The following CRB1 variants were observed in gnomAD, a reference collection of about 807,000 sequenced individuals.
The protein encoded by CRB1 is crumbs cell polarity complex component 1.
CRB1 carries 83 observed loss-of-function variants against 120.0 expected under a neutral mutation model. That is an observed-to-expected ratio of 0.69 (90% CI 0.58 to 0.83). The LOEUF (loss-of-function observed/expected upper bound fraction) is 0.83. CRB1 is among the 40% of genes least tolerant of loss of function. The pLI is 0.00. For missense variants in CRB1, 1,699 were observed against 1,687.6 expected (o/e 1.01, Z -0.12); for synonymous variants, 625 against 612.5 (o/e 1.02, Z -0.30).
At chr1:197,456,293 G>A (rs1283324010) in intron 11 of CRB1, among the ~76,000 whole-genome samples, 2 of 152,038 alleles carry the variant, frequency 1.3e-5, no homozygotes, top group Admixed American at 6.6e-5. Context: ...ATCATCCTGA[G>A]TAAGTATATA....
chr1:197,402,647 T>C (rs1468249152), intron 5 of CRB1, among the ~76,000 whole-genome samples: 1 of 152,218 alleles, frequency 6.6e-6, no homozygotes, highest in Non-Finnish European at 1.5e-5. Context: ...AAGGTCTAAT[T>C]TCTGTTCTCT....
chr1:197,258,215 C>A, the CRB1 span, among the ~76,000 whole-genome samples: 1 of 152,074 alleles, frequency 6.6e-6, no homozygotes, highest in Non-Finnish European at 1.5e-5. Context: ...TTTTTCTCAC[C>A]TACTCCTCAG....
At position 197,442,272 on chromosome 1, in the gene CRB1, G is replaced by T; in HGVS notation, c.3985G>T (p.Gly1329Cys). 1 of 1,614,182 alleles carries T rather than the reference G, an allele frequency of 6.2e-7. No individual in the cohort carries two copies. Among genetic ancestry groups the T allele is most frequent in the Non-Finnish European group, 8.5e-7 (1 of 1,180,036 alleles). The change falls in exon 11 of 12, where the codon GGC (glycine) becomes TGC (cysteine). Residue 1329 changes from glycine (G) to cysteine (C), a missense_variant. Gly to Cys is a radical substitution (Grantham distance 159). Coordinates refer to ENST00000367400, the MANE Select transcript of CRB1 (RefSeq NM_201253.3). ...FQCLCDVAFA[G>C]ERCEVDLADD... The stretch of plus-strand genomic sequence containing the variant: ...GTGCCTCTGTGATGTTGCCTTTGCT[G>T]GCGAGCGCTGCGAGGTGGACGTAAG...
chr1:197,267,255 GA>G (rs1056411341), upstream of CRB1, among the ~76,000 whole-genome samples: 3 of 151,776 alleles, frequency 2.0e-5, no homozygotes, highest in African/African-American at 4.8e-5. Flanking sequence ...ATGAGGGGAG[GA>G]AAAAATCTTT....
the CRB1 span, among the ~76,000 whole-genome samples, chr1:197,225,022 C>T: frequency 6.6e-6 from 1 of 152,012 alleles, no homozygotes; most frequent in Non-Finnish European, 1.5e-5. Flanking sequence ...AGGTGTTAGG[C>T]ACAGTTCTAT....
chr1:197,474,959 T>C (rs1046794086), intron 11 of CRB1, among the ~76,000 whole-genome samples: 1 of 152,184 alleles, frequency 6.6e-6, no homozygotes, highest in Admixed American at 6.5e-5. Context: ...TGTTCCTCTT[T>C]CCCAGGCCAG....
At chr1:197,320,546 A>C (rs531175850) in intron 1 of CRB1, among the ~76,000 whole-genome samples, 2 of 152,320 alleles carry the variant, frequency 1.3e-5, no homozygotes, top group East Asian at 3.9e-4. Flanking sequence ...ATCAAGGGGA[A>C]TTTATGACAG....
intron 4 of CRB1, among the ~76,000 whole-genome samples, chr1:197,354,001 A>T (rs996321974): frequency 6.7e-6 from 1 of 150,168 alleles, no homozygotes; most frequent in African/African-American, 2.4e-5. Context: ...TGAAAAAAAC[A>T]GGAAAAAATA....
At chr1:197,397,302 T>A (rs1176765232) in intron 5 of CRB1, among the ~76,000 whole-genome samples, 1 of 152,118 alleles carries the variant, frequency 6.6e-6, no homozygotes, top group African/African-American at 2.4e-5. Context: ...GAGTAGGTTA[T>A]ATGTAATAAT....
At chr1:197,345,413 T>C (rs1272101374) in intron 3 of CRB1, among the ~76,000 whole-genome samples, 1 of 152,006 alleles carries the variant, frequency 6.6e-6, no homozygotes, top group Non-Finnish European at 1.5e-5. Context: ...TAAGACATAA[T>C]TTATGCCAAA....
chr1:197,371,139 T>G (rs1661349916), intron 5 of CRB1, among the ~76,000 whole-genome samples: 1 of 152,182 alleles, frequency 6.6e-6, no homozygotes, highest in Admixed American at 6.5e-5. Flanking sequence ...TTACCTTCTG[T>G]CTCAGCTAAG....
intron 1 of CRB1, among the ~76,000 whole-genome samples, chr1:197,292,604 A>C (rs1158357671): frequency 6.6e-6 from 1 of 151,720 alleles, no homozygotes; most frequent in African/African-American, 2.4e-5. Flanking sequence ...CAGACACAAC[A>C]AAAAAAAGAG....
intron 5 of CRB1, among the ~76,000 whole-genome samples, chr1:197,374,240 G>A (rs1558091029): frequency 1.3e-5 from 2 of 152,142 alleles, no homozygotes; most frequent in Admixed American, 1.3e-4. Context: ...AGGGGTTATA[G>A]CAACAGCCAC....
At chr1:197,326,583 A>T (rs551756884) in intron 1 of CRB1, among the ~76,000 whole-genome samples, 7 of 152,256 alleles carry the variant, frequency 4.6e-5, no homozygotes, top group Non-Finnish European at 1.0e-4. Context: ...GTGAGCTGAG[A>T]TCATGCTACT....
chr1:197,256,804 T>TA, the CRB1 span, among the ~76,000 whole-genome samples: 1,029 of 142,184 alleles, frequency 7.2e-3, 15 homozygotes, highest in East Asian at 0.023. Context: ...TAAAGTATAA[T>TA]AAAAAAAAAG....
chr1:197,318,742 G>A (rs1243489008), intron 1 of CRB1, among the ~76,000 whole-genome samples: 1 of 152,154 alleles, frequency 6.6e-6, no homozygotes, highest in Non-Finnish European at 1.5e-5. Flanking sequence ...AGTCAGGCTT[G>A]GGAAGACAGT....
chr1:197,401,071 C>CT (rs1663043288), intron 5 of CRB1, among the ~76,000 whole-genome samples: 1 of 151,914 alleles, frequency 6.6e-6, no homozygotes, highest in Non-Finnish European at 1.5e-5. Context: ...TTTAAACTTC[C>CT]TTTTTGTAAT....
intron 1 of CRB1, among the ~76,000 whole-genome samples, chr1:197,301,629 A>C (rs535614556): frequency 9.8e-5 from 15 of 152,312 alleles, no homozygotes; most frequent in Admixed American, 9.8e-4. Flanking sequence ...TGCAGTAGGT[A>C]GCATGGTAGT....
chr1:197,424,742 C>T (rs1344860594), intron 6 of CRB1, among the ~76,000 whole-genome samples: 1 of 152,178 alleles, frequency 6.6e-6, no homozygotes, highest in Non-Finnish European at 1.5e-5. Flanking sequence ...CTTATAAACG[C>T]ACATTTAGAT....
Sources: allele counts gnomAD v4.1 joint callset (sites outside exome capture counted in the v4.1 genomes callset), GRCh38; gene constraint gnomAD v4.1.1; transcripts MANE v1.5; gene names NCBI Gene and HGNC (gene_info 2026-07-23, HGNC 2026-07-21).